The following GBP7 variants were observed in gnomAD, a reference collection of about 807,000 sequenced individuals.
GBP7 encodes guanylate-binding protein 7.
A neutral mutation model predicts 61.3 loss-of-function variants in GBP7; 43 were observed. The observed-to-expected ratio is 0.70, with a 90% CI of 0.55 to 0.91. The LOEUF (loss-of-function observed/expected upper bound fraction) is 0.91. GBP7 is among the 40% of genes least tolerant of loss of function. The pLI is 0.00. For missense variants in GBP7, 717 were observed against 740.5 expected (o/e 0.97, Z 0.37); for synonymous variants, 267 against 271.0 (o/e 0.99, Z 0.14).
intron 9 of GBP7, among the ~76,000 whole-genome samples, chr1:89,136,664 A>C (rs546339546): frequency 6.6e-6 from 1 of 152,328 alleles, no homozygotes; most frequent in East Asian, 1.9e-4. Context: ...AGCAGTGTTA[A>C]GAGGAATGTT....
rs374253391 is a variant in GBP7 at position 89,142,426 on chromosome 1, C to T, written c.1366-778G>A. 3.7e-4 allele frequency among the ~76,000 whole-genome samples: 56 copies of T among 152,198 alleles called. 6 individuals are homozygous for T. The highest frequency in any genetic ancestry group is 9.2e-4 in the Admixed American group (14 of 15,274). ...CGCAGCTGGCTAATTTTATTTTTTACTTTTGTAGAGATGGAAGTCCTGTCA... is the reference window on the plus strand; with the variant it reads ...CGCAGCTGGCTAATTTTATTTTTTATTTTTGTAGAGATGGAAGTCCTGTCA... On this transcript the variant is annotated intron_variant, in intron 8 of 10. Transcript: ENST00000294671.
At chr1:89,170,257 A>G (rs1570363800) in intron 2 of GBP7, among the ~76,000 whole-genome samples, 1 of 152,216 alleles carries the variant, frequency 6.6e-6, no homozygotes, top group South Asian at 2.1e-4. Flanking sequence ...ACCATCATCC[A>G]AAATGAATTT....
chr1:89,174,401 A>T (rs539143963), intron 1 of GBP7, among the ~76,000 whole-genome samples: 1 of 152,196 alleles, frequency 6.6e-6, no homozygotes, highest in East Asian at 1.9e-4. Context: ...AGAAAATGGA[A>T]TTTTTCCTAG....
chr1:89,147,855 G>A (rs1682104710), intron 7 of GBP7, 76 bp from the exon 8 acceptor site: 2 of 1,477,108 alleles, frequency 1.4e-6, no homozygotes, highest in Non-Finnish European at 1.9e-6. Context: ...CCTCTTGGAA[G>A]AAGTAGTCTC....
intron 9 of GBP7, 91 bp from the exon 10 acceptor site, chr1:89,133,542 T>C: frequency 2.9e-6 from 3 of 1,029,316 alleles, no homozygotes; most frequent in Non-Finnish European, 4.4e-6. Flanking sequence ...AGGAAGAGCT[T>C]CTCCCACTGA....
intron 7 of GBP7, 111 bp from the exon 8 acceptor site, chr1:89,147,890 C>A: frequency 9.5e-7 from 1 of 1,057,386 alleles, no homozygotes; most frequent in Admixed American, 1.9e-5. Flanking sequence ...GGCTGAGTTA[C>A]GGTGTAGACT....
At chr1:89,173,957 T>A (rs1647670986) in intron 1 of GBP7, among the ~76,000 whole-genome samples, 1 of 152,224 alleles carries the variant, frequency 6.6e-6, no homozygotes, top group Non-Finnish European at 1.5e-5. Context: ...TGGTTTACGC[T>A]TCTTGGATTT....
At chr1:89,172,358 T>C (rs1647628238) in intron 1 of GBP7, among the ~76,000 whole-genome samples, 1 of 152,246 alleles carries the variant, frequency 6.6e-6, no homozygotes, top group Non-Finnish European at 1.5e-5. Context: ...GGATCCCTCA[T>C]TGCATTTAGT....
chr1:89,163,681 C>G (rs546150398), intron 3 of GBP7, among the ~76,000 whole-genome samples: 1 of 150,884 alleles, frequency 6.6e-6, no homozygotes, highest in Admixed American at 6.6e-5. Context: ...GCACTTAATA[C>G]TATAAAGCAA....
At chr1:89,167,653 T>C (rs1647481219) in intron 2 of GBP7, among the ~76,000 whole-genome samples, 1 of 152,230 alleles carries the variant, frequency 6.6e-6, no homozygotes, top group Non-Finnish European at 1.5e-5. Context: ...TAAAGTATTT[T>C]GTGTGAAGGT....
At chr1:89,171,087 A>G (rs1388106614) in intron 2 of GBP7, among the ~76,000 whole-genome samples, 1 of 152,212 alleles carries the variant, frequency 6.6e-6, no homozygotes, top group Non-Finnish European at 1.5e-5. Flanking sequence ...TCCAGAATTT[A>G]TAAATCCCCT....
At chr1:89,158,602 C>T (rs923615578) in intron 3 of GBP7, among the ~76,000 whole-genome samples, 11 of 152,094 alleles carry the variant, frequency 7.2e-5, no homozygotes, top group African/African-American at 2.7e-4. Flanking sequence ...AGTGAACTCC[C>T]ATTCACAATT....
At chr1:89,146,252 C>T (rs1682061750) in intron 8 of GBP7, among the ~76,000 whole-genome samples, 1 of 152,062 alleles carries the variant, frequency 6.6e-6, no homozygotes, top group African/African-American at 2.4e-5. Context: ...GAAAACTGGA[C>T]CCTTGTACTA....
intron 9 of GBP7, among the ~76,000 whole-genome samples, chr1:89,136,562 T>TG (rs1052887071): frequency 6.6e-6 from 1 of 152,182 alleles, no homozygotes; most frequent in Non-Finnish European, 1.5e-5. Flanking sequence ...TGAATGATTT[T>TG]GGGGTAAACA....
chr1:89,152,235 G>T, intron 5 of GBP7, 33 bp downstream of exon 5: 2 of 1,598,444 alleles, frequency 1.3e-6, no homozygotes, highest in Non-Finnish European at 1.7e-6. Flanking sequence ...ACCCGCTACT[G>T]AACCTTCTCC....
At chr1:89,165,158 T>C (rs1166144063) in intron 2 of GBP7, among the ~76,000 whole-genome samples, 1 of 152,164 alleles carries the variant, frequency 6.6e-6, no homozygotes, top group East Asian at 1.9e-4. Context: ...CTTTCATACG[T>C]TGGAACTTCA....
intron 3 of GBP7, among the ~76,000 whole-genome samples, chr1:89,162,572 T>C (rs967467114): frequency 8.5e-5 from 13 of 152,186 alleles, no homozygotes; most frequent in Non-Finnish European, 1.9e-4. Flanking sequence ...TGACTGTGGT[T>C]GGTGTATAGG....
At chr1:89,149,690 CCTT>C (rs781367065) in intron 6 of GBP7, 118 bp from the exon 7 acceptor site, 28 of 784,502 alleles carry the variant, frequency 3.6e-5, no homozygotes, top group African/African-American at 3.5e-4. Flanking sequence ...AATTTTCCCT[CCTT>C]CTCCTTCTTT....
In GBP7 at chr1:89,133,466, T is replaced by C; in HGVS notation, c.1469-15A>G. On this transcript the variant is annotated splice_polypyrimidine_tract_variant and intron_variant, in intron 9 of 10. Coordinates refer to ENST00000294671, the MANE Select transcript of GBP7 (RefSeq NM_207398.3). ...AGCCTGCTTAGCTGTTCCACCGAGG[T>C]TTTACAGAGGGAAGAAAATAACAGT... is the stretch of plus-strand genomic sequence containing the variant. 3 of 1,610,966 alleles carry C rather than the reference T, an allele frequency of 1.9e-6. No individual in the cohort carries two copies. Among genetic ancestry groups the C allele is most frequent in the Non-Finnish European group, 2.5e-6 (3 of 1,178,206 alleles).
Sources: gnomAD v4.1 joint callset for allele counts (sites outside exome capture counted in the v4.1 genomes callset) on GRCh38, gnomAD v4.1.1 for gene constraint, MANE v1.5 for transcripts, NCBI Gene and HGNC (gene_info 2026-07-23, HGNC 2026-07-21) for gene names.